The following ADGRL3 variants were observed in gnomAD, a reference collection of about 807,000 sequenced individuals.
ADGRL3 encodes adhesion G protein-coupled receptor L3, also known as calcium-independent alpha-latrotoxin receptor 3.
Under a neutral mutation model 153.5 loss-of-function variants are expected in ADGRL3, and 62 were observed. The observed-to-expected ratio is 0.40, with a 90% CI of 0.33 to 0.50. The LOEUF is 0.50. ADGRL3 is among the 20% of genes least tolerant of loss of function. The pLI, the probability that ADGRL3 is intolerant of heterozygous loss-of-function variation, is 0.47. For synonymous variants in ADGRL3, 710 were observed against 672.5 expected, an observed-to-expected ratio of 1.06 and a Z score of -0.86; for missense variants, 1,641 against 1,859.4, an observed-to-expected ratio of 0.88 and a Z score of 2.16.
chr4:61,549,537 C>G (rs556236805), intron 4 of ADGRL3, among the ~76,000 whole-genome samples: 38 of 152,172 alleles, frequency 2.5e-4, no homozygotes, highest in African/African-American at 8.9e-4. Context: ...GACACGCTCT[C>G]TGACAAACAG....
At chr4:61,925,993 G>T (rs1037139874) in intron 13 of ADGRL3, among the ~76,000 whole-genome samples, 16 of 152,042 alleles carry the variant, frequency 1.1e-4, no homozygotes, top group African/African-American at 3.9e-4. Flanking sequence ...AACCTAAATG[G>T]GACAGCATGT....
chr4:61,573,811 T>A (rs2098849137), intron 4 of ADGRL3, among the ~76,000 whole-genome samples: 1 of 151,966 alleles, frequency 6.6e-6, no homozygotes, highest in Admixed American at 6.6e-5. Flanking sequence ...AGCTTGGACA[T>A]ATGTAACAAT....
chr4:61,957,846 G>A (rs1459150165), intron 17 of ADGRL3, among the ~76,000 whole-genome samples: 1 of 151,912 alleles, frequency 6.6e-6, no homozygotes, highest in Non-Finnish European at 1.5e-5. Flanking sequence ...TTATCCTGTA[G>A]CATCTTTTTA....
chr4:61,694,607 C>CT (rs1561076302), intron 6 of ADGRL3, among the ~76,000 whole-genome samples: 1 of 152,128 alleles, frequency 6.6e-6, no homozygotes, highest in Non-Finnish European at 1.5e-5. Flanking sequence ...TGCCTCAGTG[C>CT]TAATGGCTGC....
intron 3 of ADGRL3, among the ~76,000 whole-genome samples, chr4:61,511,210 A>T (rs2098461959): frequency 6.6e-6 from 1 of 152,134 alleles, no homozygotes; most frequent in African/African-American, 2.4e-5. Flanking sequence ...ATACAAAAAA[A>T]TTAGCCGGAC....
At chr4:61,804,959 A>ATT (rs1231512178) in intron 8 of ADGRL3, among the ~76,000 whole-genome samples, 9,078 of 145,626 alleles carry the variant, frequency 0.062, 348 homozygotes, top group Non-Finnish European at 0.076. Context: ...ATTTTTATTT[A>ATT]TTTATTTTTT....
chr4:61,596,208 G>T lies in ADGRL3; in HGVS notation c.473+8768G>T, dbSNP rs533001330. Reference sequence around the variant, plus strand: ...AAAATGTGCTGTTCCAGCAGAAGGGGACAAACAGTGTATACTTCCATTCTG... The same window carrying T: ...AAAATGTGCTGTTCCAGCAGAAGGGTACAAACAGTGTATACTTCCATTCTG... On this transcript the variant is annotated intron_variant, in intron 5 of 26. Transcript: ENST00000683033. Among the ~76,000 whole-genome samples, 5 of 152,258 alleles carry T rather than the reference G, an allele frequency of 3.3e-5. No homozygotes were observed. The South Asian group carries it at 1.0e-3, about 32-fold the overall frequency.
intron 2 of ADGRL3, among the ~76,000 whole-genome samples, chr4:61,463,929 A>T (rs2097851765): frequency 6.6e-6 from 1 of 152,168 alleles, no homozygotes; most frequent in Non-Finnish European, 1.5e-5. Context: ...TTTTTCTGCA[A>T]CTTGGTTCAG....
At chr4:61,308,356 G>T (rs778203238) in intron 1 of ADGRL3, among the ~76,000 whole-genome samples, 1 of 152,196 alleles carries the variant, frequency 6.6e-6, no homozygotes, top group Non-Finnish European at 1.5e-5. Context: ...CCCTGGAAGG[G>T]TGACAGTGAG....
At chr4:61,330,089 A>G (rs1383105811) in intron 1 of ADGRL3, among the ~76,000 whole-genome samples, 1 of 152,164 alleles carries the variant, frequency 6.6e-6, no homozygotes, top group Non-Finnish European at 1.5e-5. Flanking sequence ...CCACTCCTAC[A>G]TGACTTCACA....
At chr4:61,688,964 T>C (rs2151093845) in intron 6 of ADGRL3, among the ~76,000 whole-genome samples, 1 of 152,300 alleles carries the variant, frequency 6.6e-6, no homozygotes, top group South Asian at 2.1e-4. Flanking sequence ...GTTATTTATT[T>C]ACTTTTATTT....
chr4:61,435,842 G>A (rs1039117374), intron 2 of ADGRL3, among the ~76,000 whole-genome samples: 9 of 152,104 alleles, frequency 5.9e-5, no homozygotes, highest in Non-Finnish European at 8.8e-5. Flanking sequence ...GGGGAAGTCC[G>A]TAGTAAAGTT....
At chr4:61,205,959 G>C (rs1412917002) in intron 1 of ADGRL3, among the ~76,000 whole-genome samples, 3 of 152,168 alleles carry the variant, frequency 2.0e-5, no homozygotes, top group Non-Finnish European at 4.4e-5. Flanking sequence ...AAGAAACCAA[G>C]TGTAACTTTT....
intron 1 of ADGRL3, among the ~76,000 whole-genome samples, chr4:61,291,512 G>A (rs574515662): frequency 1.6e-5 from 2 of 122,852 alleles, no homozygotes; most frequent in East Asian, 4.9e-4. Flanking sequence ...CTGGAGTTGG[G>A]GGATGGTGGT....
chr4:61,663,725 T>G (rs892167081), intron 5 of ADGRL3, among the ~76,000 whole-genome samples: 1 of 152,194 alleles, frequency 6.6e-6, no homozygotes, highest in South Asian at 2.1e-4. Context: ...ATTTTTTCCC[T>G]TTTTCTCTTT....
chr4:61,907,701 G>C (rs1421641856), intron 11 of ADGRL3, among the ~76,000 whole-genome samples: 3 of 151,410 alleles, frequency 2.0e-5, no homozygotes, highest in African/African-American at 4.9e-5. Context: ...GTGCTCCAAG[G>C]GTTTGTGATA....
intron 3 of ADGRL3, among the ~76,000 whole-genome samples, chr4:61,501,677 A>G (rs139333326): frequency 6.6e-6 from 1 of 152,284 alleles, no homozygotes; most frequent in Non-Finnish European, 1.5e-5. Flanking sequence ...TTAGTGTTAT[A>G]CTTTTGCATA....
intron 3 of ADGRL3, among the ~76,000 whole-genome samples, chr4:61,513,991 T>C (rs1200090954): frequency 6.6e-6 from 1 of 152,156 alleles, no homozygotes; most frequent in East Asian, 1.9e-4. Flanking sequence ...TGCCACAACA[T>C]GCTGGTGTAT....
rs78298096 is a variant in ADGRL3 at position 61,333,611 on chromosome 4, T to A, written c.-239-49513T>A. Among the ~76,000 whole-genome samples the A allele has an allele frequency of 1.1e-4, 16 of 152,246 alleles. No individual in the cohort carries two copies. The East Asian group carries it at 3.1e-3, about 29-fold the overall frequency. The stretch of plus-strand genomic sequence containing the variant: ...TTTTGTATTTTTTTTTCTTTTGTTT[T>A]TTGACAGGATTTCACTCTGTCTCCC... On this transcript the variant is annotated intron_variant, in intron 1 of 26. Coordinates refer to ENST00000683033, the MANE Select transcript of ADGRL3 (RefSeq NM_001387552.1).
Sources: allele counts gnomAD v4.1 joint callset (sites outside exome capture counted in the v4.1 genomes callset), GRCh38; gene constraint gnomAD v4.1.1; transcripts MANE v1.5; gene names NCBI Gene and HGNC (gene_info 2026-07-23, HGNC 2026-07-21).